The following JRKL variants were observed in gnomAD, a reference collection of about 807,000 sequenced individuals.
JRKL encodes jerky protein homolog-like.
Under a neutral mutation model 34.7 loss-of-function variants are expected in JRKL, and 25 were observed. The ratio of observed to expected loss-of-function variants is 0.72; its 90% CI spans 0.53 to 1.01. JRKL has a LOEUF of 1.01. Among genes scored for constraint, JRKL ranks in the 50% least tolerant of loss-of-function variants. The pLI is 0.00. For synonymous variants in JRKL, 204 were observed against 212.8 expected, an observed-to-expected ratio of 0.96 and a Z score of 0.36; for missense variants, 495 against 615.7, an observed-to-expected ratio of 0.80 and a Z score of 2.07.
At position 96,392,377 on chromosome 11, in the gene JRKL, A is replaced by G. The variant is rs1399457686; in HGVS notation, c.*153A>G. 1 of 1,116,512 alleles carries G rather than the reference A, an allele frequency of 9.0e-7. No homozygotes were observed. Among genetic ancestry groups the G allele is most frequent in the Non-Finnish European group, 1.2e-6 (1 of 813,838 alleles). The allele number at this position is 1,116,512 out of a possible 1,614,324, so 69.2% of individuals were successfully genotyped here. A position where few individuals can be genotyped will look rare whatever the true frequency, so the allele number is the denominator to read the frequency against. On this transcript the variant is annotated 3_prime_UTR_variant, in exon 2 of 2. Transcript: ENST00000332349. ...AGTGGTTTGAGGATTATGTGTTTTC[A>G]TCATCTGTGTCTTTTGTCCTTTTAT...
rs1269008444 is a variant in JRKL at position 96,393,422 on chromosome 11, GTA to G, written c.*1200_*1201del. 6.6e-6 allele frequency among the ~76,000 whole-genome samples: 1 copy of G among 151,856 alleles called. No individual in the cohort carries two copies. The highest frequency in any genetic ancestry group is 2.4e-5 in the African/African-American group (1 of 41,382). ...TTGATAAATTTTTTTTGTAAACTAA[GTA>G]TGTTTATTCAAGACATTGAAACTAC... On this transcript the variant is annotated 3_prime_UTR_variant, in exon 2 of 2. Transcript: ENST00000332349.
chr11:96,392,345 T>C lies in JRKL; in HGVS notation c.*121T>C. 1 of 1,386,114 alleles carries C rather than the reference T, an allele frequency of 7.2e-7. No homozygotes were observed. Among genetic ancestry groups the C allele is most frequent in the Non-Finnish European group, 9.5e-7 (1 of 1,048,566 alleles). 85.9% of individuals were successfully genotyped at this position (1,386,114 alleles called of 1,614,324 possible). A position where few individuals can be genotyped will look rare whatever the true frequency, so the allele number is the denominator to read the frequency against. ...TCCTGTGAAATACAGGCACAAAATG[T>C]ATCTGAAGTGGTTTGAGGATTATGT... On this transcript the variant is annotated 3_prime_UTR_variant, in exon 2 of 2. Coordinates refer to ENST00000332349, the MANE Select transcript of JRKL (RefSeq NM_001261833.2).
chr11:96,391,505 A>G lies in JRKL; in HGVS notation c.856A>G (p.Lys286Glu). The G allele has an allele frequency of 6.4e-7, 1 of 1,552,732 alleles. No homozygotes were observed. Among genetic ancestry groups the G allele is most frequent in the Non-Finnish European group, 8.7e-7 (1 of 1,147,354 alleles). ...TTTAAGATCTAAAGGCTTGCAGGAA[A>G]AGGCTGTGCTCTTGTTGGATAATTC... Reference protein sequence around the residue: ...EYLRSKGLQEKAVLLLDNSPT... With the variant: ...EYLRSKGLQEEAVLLLDNSPT... Residue 286 changes from lysine to glutamate, a missense_variant, in exon 2 of 2, where the codon AAG (lysine) becomes GAG (glutamate). Coordinates refer to ENST00000332349, the MANE Select transcript of JRKL (RefSeq NM_001261833.2).
At position 96,391,742 on chromosome 11, in the gene JRKL, G is replaced by T; in HGVS notation, c.1093G>T (p.Ala365Ser). Residue 365 changes from alanine (A) to serine (S), a missense_variant, in exon 2 of 2, where the codon GCA (alanine) becomes TCA (serine). Physicochemically the swap from Ala to Ser is moderately conservative, Grantham distance 99. Coordinates refer to ENST00000332349, the MANE Select transcript of JRKL (RefSeq NM_001261833.2). Reference protein sequence around the residue: ...SFWKKLTLLDALYEIAMAWNL... With the variant: ...SFWKKLTLLDSLYEIAMAWNL... ...CTGGAAGAAGCTAACTCTGTTGGAT[G>T]CACTTTATGAAATAGCAATGGCATG... The T allele has an allele frequency of 6.2e-7, 1 of 1,614,154 alleles. No individual in the cohort carries two copies. Among genetic ancestry groups the T allele is most frequent in the Non-Finnish European group, 8.5e-7 (1 of 1,180,022 alleles).
chr11:96,392,225 T>C lies in JRKL; in HGVS notation c.*1T>C. 2.6e-6 allele frequency: 4 copies of C among 1,559,866 alleles called. No homozygotes were observed. The highest frequency in any genetic ancestry group is 3.5e-6 in the Non-Finnish European group (4 of 1,155,878). On this transcript the variant is annotated 3_prime_UTR_variant, in exon 2 of 2. Coordinates refer to ENST00000332349, the MANE Select transcript of JRKL (RefSeq NM_001261833.2). ...GAAGATGACAAAGTCAAGTCAATAA[T>C]GTCATTTCAATTTTATTGTTCTGCT...
In JRKL at chr11:96,391,648, G is replaced by A. The variant is rs753303916; in HGVS notation, c.999G>A (p.Thr333=). 17 of 1,614,002 alleles carry A rather than the reference G, an allele frequency of 1.1e-5. No individual in the cohort carries two copies. Among genetic ancestry groups the A allele is most frequent in the Non-Finnish European group, 1.3e-5 (15 of 1,180,004 alleles). Residue 333 remains threonine (T), a synonymous_variant, in exon 2 of 2, where the codon ACG becomes ACA. Transcript: ENST00000332349. The part of the protein sequence containing the change: ...IQPSDQGVIA[T]MKRNYRAGLL... ...CTTCAGATCAGGGAGTCATAGCAACGATGAAGAGAAATTATCGTGCAGGTC... is the reference window on the plus strand; with the variant it reads ...CTTCAGATCAGGGAGTCATAGCAACAATGAAGAGAAATTATCGTGCAGGTC...
In JRKL at chr11:96,390,608, A is replaced by G. The variant is rs771569217; in HGVS notation, c.-42A>G. 1 of 1,535,220 alleles carries G rather than the reference A, an allele frequency of 6.5e-7. No homozygotes were observed. The highest frequency in any genetic ancestry group is 8.7e-7 in the Non-Finnish European group (1 of 1,148,768). The stretch of plus-strand genomic sequence containing the variant: ...TGTAAGAGAAGGAAGGATTTTGTGG[A>G]TTGCTACATTGTGAGTGTGGGGTGA... On this transcript the variant is annotated 5_prime_UTR_variant, in exon 2 of 2. Transcript: ENST00000332349.
rs1251151190 is a variant in JRKL at position 96,392,903 on chromosome 11, CTG to C, written c.*680_*681del. The C allele has an allele frequency of 4.8e-5, 8 of 166,800 alleles. No individual in the cohort carries two copies. The highest frequency in any genetic ancestry group is 1.2e-4 in the Non-Finnish European group (8 of 68,048). 10.3% of individuals were successfully genotyped at this position (166,800 alleles called of 1,614,324 possible). ...TTCTGATCAATTCATTTGTAGGAAACTGGGAAATAAAAACCTGGGGAACTTTA... is the reference window on the plus strand; with the variant it reads ...TTCTGATCAATTCATTTGTAGGAAACGGAAATAAAAACCTGGGGAACTTTA... On this transcript the variant is annotated 3_prime_UTR_variant, in exon 2 of 2. Coordinates refer to ENST00000332349, the MANE Select transcript of JRKL (RefSeq NM_001261833.2).
chr11:96,390,120 C>T (rs930151363), intron 1 of JRKL, 47 bp downstream of exon 1: 3 of 154,344 alleles, frequency 1.9e-5, no homozygotes, highest in Non-Finnish European at 2.9e-5. Context: ...GAGGACTGTC[C>T]CGGCTAAAGC....
At position 96,391,820 on chromosome 11, in the gene JRKL, A is replaced by G. The variant is rs1301789489; in HGVS notation, c.1171A>G (p.Met391Val). The change falls in exon 2 of 2, where the codon ATG becomes GTG. Residue 391 changes from methionine to valine, a missense_variant. Physicochemically the swap from Met to Val is conservative, Grantham distance 21 (BLOSUM62 1). Transcript: ENST00000332349. ...ISRAWKKILP[M>V]VEEKESLDFD... is the part of the protein sequence containing the mutation. ...CAGAGCATGGAAGAAGATTCTCCCT[A>G]TGGTAGAGGAGAAAGAGAGCCTGGA... 1 of 1,614,030 alleles carries G rather than the reference A, an allele frequency of 6.2e-7. No homozygotes were observed. Among genetic ancestry groups the G allele is most frequent in the Admixed American group, 1.7e-5 (1 of 60,006 alleles).
In JRKL at chr11:96,392,268, A is replaced by C. The variant is rs1322017738; in HGVS notation, c.*44A>C. ...GTTCTGCTCATTGTGTTTGTGACAAACTCTTTGCAATATGGCTTAATTTTC... is the reference window on the plus strand; with the variant it reads ...GTTCTGCTCATTGTGTTTGTGACAACCTCTTTGCAATATGGCTTAATTTTC... On this transcript the variant is annotated 3_prime_UTR_variant, in exon 2 of 2. Transcript: ENST00000332349. 1.4e-6 allele frequency: 2 copies of C among 1,481,326 alleles called. No homozygotes were observed. The highest frequency in any genetic ancestry group is 1.8e-6 in the Non-Finnish European group (2 of 1,117,608). 91.8% of individuals were successfully genotyped at this position (1,481,326 alleles called of 1,614,324 possible).
rs1042659400 is a variant in JRKL, at chr11:96,393,548, A to G, written c.*1324A>G. 2.0e-5 allele frequency among the ~76,000 whole-genome samples: 3 copies of G among 152,218 alleles called. No homozygotes were observed. The highest frequency in any genetic ancestry group is 1.9e-4 in the East Asian group (1 of 5,194). ...AAAAATTTTTAAAAAATAAATTACA[A>G]TTGTTCTCTATTAGTCATTTTTTAA... On this transcript the variant is annotated 3_prime_UTR_variant, in exon 2 of 2. Transcript: ENST00000332349.
At position 96,390,713 on chromosome 11, in the gene JRKL, C is replaced by CT; in HGVS notation, c.66dup (p.Glu23Ter). On this transcript the variant is annotated frameshift_variant, in exon 2 of 2. Coordinates refer to ENST00000332349, the MANE Select transcript of JRKL (RefSeq NM_001261833.2). LOFTEE classifies it low-confidence loss of function (END_TRUNC). The stretch of plus-strand genomic sequence containing the variant: ...AGATAAGCTTGATATAATAAAGAAA[C>CT]TTGAAGACGGAGGTTCTTCCAAACA... 1 of 1,608,664 alleles carries CT rather than the reference C, an allele frequency of 6.2e-7. No homozygotes were observed. Among genetic ancestry groups the CT allele is most frequent in the South Asian group, 1.1e-5 (1 of 90,152 alleles).
At chr11:96,390,291 A>C (rs111331298) in intron 1 of JRKL, among the ~76,000 whole-genome samples, 192 bp from the exon 2 acceptor site, 5 of 152,088 alleles carry the variant, frequency 3.3e-5, no homozygotes, top group Admixed American at 1.3e-4. Context: ...ACGCGCGGTT[A>C]CCCGGGATCT....
chr11:96,391,381 C>G lies in JRKL; in HGVS notation c.732C>G (p.Asn244Lys). The change falls in exon 2 of 2, where the codon AAC becomes AAG. Residue 244 changes from asparagine to lysine, a missense_variant. Asn to Lys is a moderately conservative substitution (Grantham distance 94, BLOSUM62 0). Coordinates refer to ENST00000332349, the MANE Select transcript of JRKL (RefSeq NM_001261833.2). ...PRSFKSTDTL[N>K]LPVSYFSQKG... ...CCTTTAAATCAACTGACACCTTAAA[C>G]CTGCCAGTCTCTTATTTCAGCCAAA... 1 of 1,551,682 alleles carries G rather than the reference C, an allele frequency of 6.4e-7. No homozygotes were observed.
rs1372654943 is a variant in JRKL, at chr11:96,391,018, C to T, written c.369C>T (p.Ala123=). Reference sequence around the variant, plus strand: ...TGGATGGTGATTTTAACCCCTCTGCCGGTTGGCTAACTCGTTTTAAGCAGC... The same window carrying T: ...TGGATGGTGATTTTAACCCCTCTGCTGGTTGGCTAACTCGTTTTAAGCAGC... The part of the protein sequence containing the change: ...LGMDGDFNPS[A]GWLTRFKQRH... The change falls in exon 2 of 2, where the codon GCC becomes GCT. Residue 123 remains alanine, a synonymous_variant. Transcript: ENST00000332349. 9 of 1,614,128 alleles carry T rather than the reference C, an allele frequency of 5.6e-6. No homozygotes were observed. Among genetic ancestry groups the T allele is most frequent in the Middle Eastern group, 3.3e-4 (2 of 6,062 alleles).
In JRKL at chr11:96,392,882, G is replaced by T. The variant is rs1866566500; in HGVS notation, c.*658G>T. On this transcript the variant is annotated 3_prime_UTR_variant, in exon 2 of 2. Transcript: ENST00000332349. ...AAGCTGATCTATAAAGAGGCATTCT[G>T]ATCAATTCATTTGTAGGAAACTGGG... 6.0e-6 allele frequency: 1 copy of T among 166,890 alleles called. No individual in the cohort carries two copies. The highest frequency in any genetic ancestry group is 1.5e-5 in the Non-Finnish European group (1 of 68,046). The allele number at this position is 166,890 out of a possible 1,614,324, so 10.3% of individuals were successfully genotyped here.
At position 96,390,904 on chromosome 11, in the gene JRKL, A is replaced by G. The variant is rs1355783190; in HGVS notation, c.255A>G (p.Glu85=). ...MYEELDRAML[E]WFNQQRAKGN... is the part of the protein sequence containing the mutation. ...AGGAATTGGACAGGGCAATGCTGGA[A>G]TGGTTCAACCAGCAAAGAGCAAAAG... Residue 85 remains glutamate, a synonymous_variant, in exon 2 of 2, where the codon GAA becomes GAG. Transcript: ENST00000332349. 6.2e-7 allele frequency: 1 copy of G among 1,614,118 alleles called. No homozygotes were observed. Among genetic ancestry groups the G allele is most frequent in the Non-Finnish European group, 8.5e-7 (1 of 1,180,040 alleles).
At position 96,392,820 on chromosome 11, in the gene JRKL, T is replaced by C. The variant is rs1866565384; in HGVS notation, c.*596T>C. On this transcript the variant is annotated 3_prime_UTR_variant, in exon 2 of 2. Coordinates refer to ENST00000332349, the MANE Select transcript of JRKL (RefSeq NM_001261833.2). ...GATTATTCTGGAAATGAAGTAAATA[T>C]GGGAAGTTATTGCCAAATGAGAGAG... is the stretch of plus-strand genomic sequence containing the variant. The C allele has an allele frequency of 2.4e-5, 4 of 166,986 alleles. No homozygotes were observed. Among genetic ancestry groups the C allele is most frequent in the Non-Finnish European group, 5.9e-5 (4 of 68,064 alleles). 10.3% of individuals were successfully genotyped at this position (166,986 alleles called of 1,614,324 possible). A position where few individuals can be genotyped will look rare whatever the true frequency, so the allele number is the denominator to read the frequency against.
Sources: gnomAD v4.1 joint callset for allele counts (sites outside exome capture counted in the v4.1 genomes callset) on GRCh38, gnomAD v4.1.1 for gene constraint, MANE v1.5 for transcripts, NCBI Gene and HGNC (gene_info 2026-07-23, HGNC 2026-07-21) for gene names.